The following PTPRB variants were observed in gnomAD, a reference collection of about 807,000 sequenced individuals.
PTPRB encodes protein tyrosine phosphatase receptor type B.
In PTPRB, 97 loss-of-function variants were observed where a neutral mutation model predicts 238.1. The ratio of observed to expected loss-of-function variants is 0.41; its 90% CI spans 0.35 to 0.48. The LOEUF is 0.48. Among genes scored for constraint, PTPRB ranks in the 20% least tolerant of loss-of-function variants. The pLI, the probability that PTPRB is intolerant of heterozygous loss-of-function variation, is 0.30. For synonymous variants in PTPRB, 970 were observed against 995.4 expected, an observed-to-expected ratio of 0.97 and a Z score of 0.48; for missense variants, 2,292 against 2,681.9, an observed-to-expected ratio of 0.85 and a Z score of 3.21.
intron 21 of PTPRB, among the ~76,000 whole-genome samples, chr12:70,545,718 G>T (rs1875855024): frequency 6.6e-6 from 1 of 152,182 alleles, no homozygotes; most frequent in Non-Finnish European, 1.5e-5. Flanking sequence ...ATGGAAAGAA[G>T]ACTGTGAAAG....
rs147003743 is a variant in PTPRB at position 70,626,379 on chromosome 12, C to T, written c.452-3733G>A. Among the ~76,000 whole-genome samples, 345 of 145,756 alleles carry T rather than the reference C, an allele frequency of 2.4e-3. 1 individual carries two copies. The highest frequency in any genetic ancestry group is 3.8e-3 in the Non-Finnish European group (253 of 67,432). The stretch of plus-strand genomic sequence containing the variant: ...TCTATCTATCTATATTCCTGCCTGC[C>T]TGCCTGCCTGCCTGCCTGCCTGCCT... On this transcript the variant is annotated intron_variant, in intron 2 of 33. Transcript: ENST00000334414.
intron 4 of PTPRB, among the ~76,000 whole-genome samples, chr12:70,598,349 T>A (rs1377883108): frequency 6.6e-6 from 1 of 152,226 alleles, no homozygotes; most frequent in Non-Finnish European, 1.5e-5. Flanking sequence ...AAGTACTCAG[T>A]GTTAGCTGTT....
At chr12:70,549,042 T>A (rs982844189) in intron 21 of PTPRB, among the ~76,000 whole-genome samples, 1 of 152,252 alleles carries the variant, frequency 6.6e-6, no homozygotes, top group Non-Finnish European at 1.5e-5. Flanking sequence ...CAGATGTGGC[T>A]TCTTTCTGTC....
rs372945030 is a variant in PTPRB, at chr12:70,637,377, T to A, written c.19A>T (p.Met7Leu). 6.2e-7 allele frequency: 1 copy of A among 1,609,060 alleles called. No homozygotes were observed. The highest frequency in any genetic ancestry group is 8.5e-7 in the Non-Finnish European group (1 of 1,177,840). MEAEFY[M>L]VILTCLIFRN... Reference sequence around the variant, plus strand: ...AAGATCAAGCAGGTAAGAATCACCATGTAAAATTCAGCCTCCATTTTCCAC... The same window carrying A: ...AAGATCAAGCAGGTAAGAATCACCAAGTAAAATTCAGCCTCCATTTTCCAC... Residue 7 changes from methionine (M) to leucine (L), a missense_variant, in exon 1 of 34, where the codon ATG becomes TTG. Physicochemically the swap from Met to Leu is conservative, Grantham distance 15 (BLOSUM62 2). This residue lies in a region of PTPRB where 1,205 missense variants were observed against 1,287.8 expected (regional missense o/e 0.94). Transcript: ENST00000334414.
intron 19 of PTPRB, 60 bp downstream of exon 19, chr12:70,555,810 G>A (rs1877572624): frequency 6.4e-7 from 1 of 1,570,966 alleles, no homozygotes; most frequent in African/African-American, 1.4e-5. Context: ...ATAGAGAAAG[G>A]TGCACAGCCC....
At chr12:70,532,810 TA>T (rs1052321156) in intron 31 of PTPRB, among the ~76,000 whole-genome samples, 7 of 151,006 alleles carry the variant, frequency 4.6e-5, no homozygotes, top group Admixed American at 2.6e-4. Flanking sequence ...CCCAGCTAAT[TA>T]AAAAAAAAGA....
rs1466133372 is a variant in PTPRB at position 70,524,604 on chromosome 12, A to G, written c.6505-13T>C. The G allele has an allele frequency of 5.0e-6, 8 of 1,605,560 alleles. No homozygotes were observed. The South Asian group carries it at 7.8e-5, about 16-fold the overall frequency. On this transcript the variant is annotated splice_polypyrimidine_tract_variant and intron_variant, in intron 32 of 33. Coordinates refer to ENST00000334414, the MANE Select transcript of PTPRB (RefSeq NM_001109754.4). ...AGACATACTGACACTGTGGAAAAGC[A>G]GAAACATGTCAGAGGAGGGCCTGTT...
chr12:70,602,746 C>T (rs1883618291), intron 4 of PTPRB, among the ~76,000 whole-genome samples: 1 of 152,098 alleles, frequency 6.6e-6, no homozygotes, highest in African/African-American at 2.4e-5. Flanking sequence ...CATGGTAGTT[C>T]ATTATACTAT....
chr12:70,541,180 G>GTATA, intron 22 of PTPRB: 1 of 487,264 alleles, frequency 2.1e-6, no homozygotes. Context: ...AGGTGTCACT[G>GTATA]CATACTTTTG....
chr12:70,518,429 CA>C lies in PTPRB; in HGVS notation c.*3059del, dbSNP rs36014443. 53,692 of 151,460 alleles carry C rather than the reference CA, an allele frequency of 0.35. 9,782 individuals carry two copies. The highest frequency in any genetic ancestry group is 0.53 in the East Asian group (2,729 of 5,136). The allele number at this position is 151,460 out of a possible 1,614,324, so 9.4% of individuals were successfully genotyped here. A position where few individuals can be genotyped will look rare whatever the true frequency, so the allele number is the denominator to read the frequency against. On this transcript the variant is annotated 3_prime_UTR_variant, in exon 34 of 34. Transcript: ENST00000334414. The stretch of plus-strand genomic sequence containing the variant: ...TGGGCAACAGAGCAAGACTTCATTT[CA>C]AAAAAAAGTGAAATTATGGTCATCT...
intron 4 of PTPRB, among the ~76,000 whole-genome samples, chr12:70,601,388 C>G (rs1344555069): frequency 6.6e-6 from 1 of 152,124 alleles, no homozygotes; most frequent in Non-Finnish European, 1.5e-5. Flanking sequence ...CCCCTTGAAG[C>G]ATCAAAAACT....
chr12:70,568,442 C>G (rs1458292695), intron 14 of PTPRB, among the ~76,000 whole-genome samples: 1 of 129,574 alleles, frequency 7.7e-6, no homozygotes, highest in Non-Finnish European at 1.8e-5. Flanking sequence ...GGACTACAGG[C>G]GTCTGCCATC....
rs1878675525 is a variant in PTPRB, at chr12:70,562,852, C to T, written c.4160G>A (p.Gly1387Asp). ...GELSNESFIF[G>D]RTVPASVSHL... is the part of the protein sequence containing the mutation. ...TTGGGTCTTGGTCTTACCTGTTCTACCAAATATGAAAGACTCATTAGACAG... is the reference window on the plus strand; with the variant it reads ...TTGGGTCTTGGTCTTACCTGTTCTATCAAATATGAAAGACTCATTAGACAG... Residue 1387 changes from glycine (G) to aspartate (D), a missense_variant, in exon 16 of 34, where the codon GGT (glycine) becomes GAT (aspartate). Physicochemically the swap from Gly to Asp is moderately conservative, Grantham distance 94. Around this residue, in one of 4 missense-constraint regions of PTPRB, gnomAD observed 683 missense variants for 862.0 expected, o/e 0.79. Transcript: ENST00000334414. The T allele has an allele frequency of 1.2e-6, 2 of 1,613,870 alleles. No individual in the cohort carries two copies. Among genetic ancestry groups the T allele is most frequent in the Non-Finnish European group, 1.7e-6 (2 of 1,179,806 alleles).
At chr12:70,607,741 C>T (rs1347652434) in intron 4 of PTPRB, among the ~76,000 whole-genome samples, 3 of 151,664 alleles carry the variant, frequency 2.0e-5, no homozygotes, top group Non-Finnish European at 2.9e-5. Flanking sequence ...TTAGTAGAGA[C>T]GAGGTTTTGC....
rs189886652 is a variant in PTPRB at position 70,590,365 on chromosome 12, G to A, written c.1781-132C>T. 2.8e-4 allele frequency: 243 copies of A among 879,806 alleles called. No individual in the cohort carries two copies. In the East Asian group the frequency reaches 4.8e-3, roughly 17 times the overall value. 54.5% of individuals were successfully genotyped at this position (879,806 alleles called of 1,614,324 possible). A position where few individuals can be genotyped will look rare whatever the true frequency, so the allele number is the denominator to read the frequency against. ...CAAAACATTTCTATCCCCTCTTGAT[G>A]TCTGTGGATTGCAAATGAGTGTTCT... On this transcript the variant is annotated intron_variant, in intron 7 of 33. Coordinates refer to ENST00000334414, the MANE Select transcript of PTPRB (RefSeq NM_001109754.4).
rs374604762 is a variant in PTPRB, at chr12:70,622,498, G to A, written c.600C>T (p.Tyr200=). 1.9e-6 allele frequency: 3 copies of A among 1,613,464 alleles called. No individual in the cohort carries two copies. The highest frequency in any genetic ancestry group is 2.5e-6 in the Non-Finnish European group (3 of 1,179,680). Residue 200 remains tyrosine (Y), a synonymous_variant, in exon 3 of 34, where the codon TAC becomes TAT. Transcript: ENST00000334414. ...GCTGCCTCTCGCTGCTGTTTTGGCT[G>A]TAGTTTTCTGCAGCATTTCTGATGA... ...EAFIRNAAEN[Y]SQNSSERQHP... is the part of the protein sequence containing the mutation.
chr12:70,599,103 C>A (rs1169229729), intron 4 of PTPRB, among the ~76,000 whole-genome samples: 1 of 152,126 alleles, frequency 6.6e-6, no homozygotes, highest in East Asian at 1.9e-4. Flanking sequence ...TTTTCAGACT[C>A]CCTTTAAATC....
rs141478007 is a variant in PTPRB, at chr12:70,539,466, A to G, written c.5778+159T>C. The stretch of plus-strand genomic sequence containing the variant: ...CCTCTAAGATTAGATGGTATATTCT[A>G]TTCAGGGCATAGTTTAGGCATAAAA... On this transcript the variant is annotated intron_variant, in intron 26 of 33. Transcript: ENST00000334414. 3.4e-4 allele frequency: 217 copies of G among 638,018 alleles called. No homozygotes were observed. In the African/African-American group the frequency reaches 3.4e-3, roughly 10 times the overall value. 39.5% of individuals were successfully genotyped at this position (638,018 alleles called of 1,614,324 possible). A position where few individuals can be genotyped will look rare whatever the true frequency, so the allele number is the denominator to read the frequency against.
chr12:70,609,205 C>T lies in PTPRB; in HGVS notation c.843G>A (p.Leu281=). The part of the protein sequence containing the change: ...NFSLIYSSDT[L]GAALCPTFRI... ...GAAAGGTAGGGCACAACGCGGCCCCCAGGGTGTCACTGCTATAGATGAGGC... is the reference window on the plus strand; with the variant it reads ...GAAAGGTAGGGCACAACGCGGCCCCTAGGGTGTCACTGCTATAGATGAGGC... Residue 281 remains leucine (L), a synonymous_variant, in exon 4 of 34, where the codon CTG becomes CTA. Transcript: ENST00000334414. 6.2e-7 allele frequency: 1 copy of T among 1,614,030 alleles called. No individual in the cohort carries two copies. Among genetic ancestry groups the T allele is most frequent in the Non-Finnish European group, 8.5e-7 (1 of 1,179,888 alleles).
Sources: allele counts gnomAD v4.1 joint callset (sites outside exome capture counted in the v4.1 genomes callset), GRCh38; gene constraint gnomAD v4.1.1; regional missense constraint gnomAD v4.1.1; transcripts MANE v1.5; gene names NCBI Gene and HGNC (gene_info 2026-07-23, HGNC 2026-07-21).